The following NMNAT2 variants were observed in gnomAD, a reference collection of about 807,000 sequenced individuals.
The protein encoded by NMNAT2 is nicotinamide nucleotide adenylyltransferase 2.
NMNAT2 carries 11 observed loss-of-function variants against 41.6 expected under a neutral mutation model. That is an observed-to-expected ratio of 0.26 (90% CI 0.17 to 0.44). The LOEUF (loss-of-function observed/expected upper bound fraction) is 0.44, where lower values mean the gene tolerates loss of function less well. NMNAT2 is among the 20% of genes least tolerant of loss of function. The pLI is 1.00. For synonymous variants in NMNAT2, 148 were observed against 151.2 expected, an observed-to-expected ratio of 0.98 and a Z score of 0.16; for missense variants, 288 against 407.7, an observed-to-expected ratio of 0.71 and a Z score of 2.53.
intron 5 of NMNAT2, among the ~76,000 whole-genome samples, chr1:183,285,753 C>T (rs1419611697): frequency 1.3e-5 from 2 of 152,190 alleles, no homozygotes; most frequent in African/African-American, 4.8e-5. Context: ...CACTTTTCTT[C>T]TCTGAATCTG....
intron 1 of NMNAT2, among the ~76,000 whole-genome samples, chr1:183,400,435 C>T (rs910386418): frequency 7.2e-5 from 11 of 152,192 alleles, no homozygotes; most frequent in African/African-American, 2.4e-4. Flanking sequence ...AATGGAAGAA[C>T]ATTCCATGCT....
chr1:183,303,068 G>A (rs768223126), intron 1 of NMNAT2, among the ~76,000 whole-genome samples: 1 of 152,206 alleles, frequency 6.6e-6, no homozygotes, highest in Non-Finnish European at 1.5e-5. Flanking sequence ...GGGACAAAGC[G>A]AGGTGAGCAG....
At position 183,281,914 on chromosome 1, in the gene NMNAT2, T is replaced by A. The variant is rs572354246; in HGVS notation, c.574+2081A>T. 2.0e-5 allele frequency among the ~76,000 whole-genome samples: 3 copies of A among 152,338 alleles called. No individual in the cohort carries two copies. The East Asian group carries it at 5.8e-4, about 29-fold the overall frequency. On this transcript the variant is annotated intron_variant, in intron 7 of 10. Transcript: ENST00000287713. ...GGGAGGCAGCGAGCTCCCTTCCAGC[T>A]CCTCTGGGCTAGCCTCCTTCCCCAG...
intron 1 of NMNAT2, among the ~76,000 whole-genome samples, chr1:183,417,077 C>A (rs527954712): frequency 6.6e-6 from 1 of 152,330 alleles, no homozygotes; most frequent in African/African-American, 2.4e-5. Context: ...TCTAACTTCT[C>A]AATTCCTGCT....
chr1:183,403,495 C>T (rs547790852), intron 1 of NMNAT2, among the ~76,000 whole-genome samples: 16 of 151,668 alleles, frequency 1.1e-4, no homozygotes, highest in African/African-American at 3.9e-4. Flanking sequence ...TGGGGAGCCC[C>T]CACTCGGGAG....
At chr1:183,323,848 CCTA>C (rs1412654255) in intron 1 of NMNAT2, among the ~76,000 whole-genome samples, 1 of 152,164 alleles carries the variant, frequency 6.6e-6, no homozygotes, top group African/African-American at 2.4e-5. Context: ...TGGCCTCTCT[CCTA>C]CGAGATTTGG....
At chr1:183,383,214 G>C (rs1227197713) in intron 1 of NMNAT2, among the ~76,000 whole-genome samples, 1 of 152,212 alleles carries the variant, frequency 6.6e-6, no homozygotes, top group Admixed American at 6.5e-5. Flanking sequence ...GCTGGAGCTA[G>C]AGTGGCTGGG....
intron 8 of NMNAT2, among the ~76,000 whole-genome samples, chr1:183,273,983 GCTCACTGCAAC>G (rs1661060684): frequency 6.6e-6 from 1 of 151,458 alleles, no homozygotes; most frequent in African/African-American, 2.4e-5. Context: ...CACAATCTTG[GCTCACTGCAAC>G]CTCTATCTCC....
intron 1 of NMNAT2, among the ~76,000 whole-genome samples, chr1:183,401,328 T>C (rs1309022888): frequency 6.6e-6 from 1 of 152,318 alleles, no homozygotes; most frequent in African/African-American, 2.4e-5. Flanking sequence ...TCATCATCAC[T>C]GGCCATCAGA....
At chr1:183,303,679 C>G (rs1237898925) in intron 1 of NMNAT2, among the ~76,000 whole-genome samples, 1 of 152,244 alleles carries the variant, frequency 6.6e-6, no homozygotes, top group East Asian at 1.9e-4. Flanking sequence ...TCCTACCAGG[C>G]CCTCCCTCTT....
intron 10 of NMNAT2, among the ~76,000 whole-genome samples, chr1:183,254,541 A>C (rs1660471063): frequency 6.6e-6 from 1 of 152,094 alleles, no homozygotes; most frequent in African/African-American, 2.4e-5. Context: ...GGGCTCAAGC[A>C]ATCCTCCTGC....
rs1557897681 is a variant in NMNAT2 at position 183,389,812 on chromosome 1, GAAA to G, written c.85+28368_85+28370del. ...AGAAAGAAAGAAAGAAAGAAAGAAA[GAAA>G]GAAAGAAAGAAAGAAAGAAAGAAAG... On this transcript the variant is annotated intron_variant, in intron 1 of 10. Transcript: ENST00000287713. 2.2e-3 allele frequency among the ~76,000 whole-genome samples: 132 copies of G among 60,712 alleles called. 5 individuals are homozygous for G. The highest frequency in any genetic ancestry group is 3.7e-3 in the Admixed American group (17 of 4,602). The allele number at this position is 60,712 out of a possible 152,430, so 39.8% of individuals were successfully genotyped here. A position where few individuals can be genotyped will look rare whatever the true frequency, so the allele number is the denominator to read the frequency against.
rs201704274 is a variant in NMNAT2 at position 183,248,954 on chromosome 1, T to C, written c.*3687A>G. 80 of 150,180 alleles carry C rather than the reference T, an allele frequency of 5.3e-4. No individual in the cohort carries two copies. Among genetic ancestry groups the C allele is most frequent in the Non-Finnish European group, 9.3e-4 (63 of 67,848 alleles). The allele number at this position is 150,180 out of a possible 1,614,324, so 9.3% of individuals were successfully genotyped here. A position where few individuals can be genotyped will look rare whatever the true frequency, so the allele number is the denominator to read the frequency against. On this transcript the variant is annotated 3_prime_UTR_variant, in exon 11 of 11. Coordinates refer to ENST00000287713, the MANE Select transcript of NMNAT2 (RefSeq NM_015039.4). ...TGTGTCAGTTTGAGGAGAGTAGAAT[T>C]GGGCTGGTAAGTACAAGTTTTTTCT...
chr1:183,318,934 C>G (rs1475939553), intron 1 of NMNAT2, among the ~76,000 whole-genome samples: 1 of 152,186 alleles, frequency 6.6e-6, no homozygotes, highest in Admixed American at 6.5e-5. Flanking sequence ...TATCATTAAG[C>G]ACAATTTATA....
chr1:183,279,667 G>A (rs1474999263), intron 7 of NMNAT2, among the ~76,000 whole-genome samples: 3 of 152,180 alleles, frequency 2.0e-5, no homozygotes, highest in Non-Finnish European at 4.4e-5. Flanking sequence ...GTCCCCTGCT[G>A]TGGAATGAGT....
intron 1 of NMNAT2, among the ~76,000 whole-genome samples, chr1:183,389,772 G>T (rs988171757): frequency 2.4e-5 from 1 of 41,872 alleles, no homozygotes; most frequent in African/African-American, 8.2e-5. Flanking sequence ...AAGAAAGAAA[G>T]AAAGAAAGAA....
intron 1 of NMNAT2, among the ~76,000 whole-genome samples, chr1:183,312,041 TG>T (rs1002368448): frequency 1.3e-5 from 2 of 152,092 alleles, no homozygotes; most frequent in African/African-American, 4.8e-5. Flanking sequence ...CAACCACAAT[TG>T]TGAGGCCTCC....
chr1:183,369,528 C>T (rs1663487396), intron 1 of NMNAT2, among the ~76,000 whole-genome samples: 2 of 152,202 alleles, frequency 1.3e-5, no homozygotes, highest in South Asian at 2.1e-4. Context: ...CCACCTGCCT[C>T]GGCCTCCCAA....
At chr1:183,302,200 C>T (rs766782537) in intron 1 of NMNAT2, among the ~76,000 whole-genome samples, 4 of 152,138 alleles carry the variant, frequency 2.6e-5, no homozygotes, top group Non-Finnish European at 5.9e-5. Flanking sequence ...AGGCTCTGTC[C>T]CAGTCGCTAT....
Sources: gnomAD v4.1 joint callset for allele counts (sites outside exome capture counted in the v4.1 genomes callset) on GRCh38, gnomAD v4.1.1 for gene constraint, MANE v1.5 for transcripts, NCBI Gene and HGNC (gene_info 2026-07-23, HGNC 2026-07-21) for gene names.